The following RAP1A variants were observed in gnomAD, a reference collection of about 807,000 sequenced individuals.
RAP1A encodes the protein ras-related protein Rap-1A.
RAP1A carries 6 observed loss-of-function variants against 26.4 expected under a neutral mutation model. The observed-to-expected ratio is 0.23, with a 90% confidence interval of 0.12 to 0.45. RAP1A has a LOEUF of 0.45. Among genes scored for constraint, RAP1A ranks in the 20% least tolerant of loss-of-function variants. The probability of loss-of-function intolerance (pLI) is 0.99; values close to 1 mark genes in which losing one functional copy is unlikely to be tolerated. For synonymous variants in RAP1A, 73 were observed against 79.4 expected, an observed-to-expected ratio of 0.92 and a Z score of 0.43; for missense variants, 121 against 217.2, an observed-to-expected ratio of 0.56 and a Z score of 2.78.
At chr1:111,545,581 T>G (rs1182931392) in intron 1 of RAP1A, among the ~76,000 whole-genome samples, 1 of 152,160 alleles carries the variant, frequency 6.6e-6, no homozygotes, top group Non-Finnish European at 1.5e-5. Flanking sequence ...TTTGTACTTT[T>G]ACTTTCTTGC....
At chr1:111,613,719 G>A (rs143173615) in intron 1 of RAP1A, among the ~76,000 whole-genome samples, 13 of 152,260 alleles carry the variant, frequency 8.5e-5, no homozygotes, top group African/African-American at 2.9e-4. Context: ...CTAATCACTT[G>A]CTTGGATATC....
intron 1 of RAP1A, among the ~76,000 whole-genome samples, chr1:111,646,919 A>G (rs1249285429): frequency 6.6e-6 from 1 of 152,210 alleles, no homozygotes; most frequent in Non-Finnish European, 1.5e-5. Flanking sequence ...TTGTTACCCA[A>G]GATAACATTA....
At chr1:111,633,040 T>A (rs550231144) in intron 1 of RAP1A, among the ~76,000 whole-genome samples, 15 of 152,196 alleles carry the variant, frequency 9.9e-5, no homozygotes, top group Non-Finnish European at 1.5e-4. Context: ...TGGTGTCTTG[T>A]TGGTTTGAGT....
chr1:111,646,478 A>G (rs1294765637), intron 1 of RAP1A, among the ~76,000 whole-genome samples: 2 of 151,712 alleles, frequency 1.3e-5, no homozygotes, highest in Non-Finnish European at 1.5e-5. Flanking sequence ...AATTTGAGCA[A>G]TTGCAGACTA....
At chr1:111,709,499 G>C (rs1194417934) in intron 7 of RAP1A, among the ~76,000 whole-genome samples, 1 of 152,136 alleles carries the variant, frequency 6.6e-6, no homozygotes, top group Non-Finnish European at 1.5e-5. Context: ...TGTGTCCCCA[G>C]TGCTTGATAC....
chr1:111,619,386 C>G (rs1659090443), upstream of RAP1A, among the ~76,000 whole-genome samples: 1 of 152,218 alleles, frequency 6.6e-6, no homozygotes, highest in South Asian at 2.1e-4. Context: ...TCCCCTCTCT[C>G]ACTCCACCAG....
At chr1:111,553,750 A>G (rs112344475) in intron 1 of RAP1A, among the ~76,000 whole-genome samples, 122 of 151,590 alleles carry the variant, frequency 8.0e-4, no homozygotes, top group Non-Finnish European at 7.2e-4. Flanking sequence ...ATTCCACTCC[A>G]CCCCCTTTTG....
At chr1:111,567,249 A>G (rs1657939930) in intron 1 of RAP1A, among the ~76,000 whole-genome samples, 1 of 152,188 alleles carries the variant, frequency 6.6e-6, no homozygotes, top group African/African-American at 2.4e-5. Context: ...AGGAGAACTC[A>G]ACTCACCTGA....
At chr1:111,670,840 C>G (rs900113673) in intron 1 of RAP1A, among the ~76,000 whole-genome samples, 1 of 152,226 alleles carries the variant, frequency 6.6e-6, no homozygotes, top group Non-Finnish European at 1.5e-5. Flanking sequence ...ATTATTGTAT[C>G]TGTTGTCATA....
chr1:111,594,166 C>G (rs1223585863), intron 1 of RAP1A, among the ~76,000 whole-genome samples: 1 of 152,026 alleles, frequency 6.6e-6, no homozygotes, highest in Non-Finnish European at 1.5e-5. Context: ...CCAGATGCCA[C>G]GACTTGGAAA....
intron 6 of RAP1A, among the ~76,000 whole-genome samples, chr1:111,704,834 G>A (rs568248901): frequency 1.3e-5 from 2 of 152,272 alleles, no homozygotes; most frequent in South Asian, 4.1e-4. Context: ...ATATAAATAG[G>A]TTGTAAAGTC....
intron 1 of RAP1A, among the ~76,000 whole-genome samples, chr1:111,638,119 C>A (rs747550500): frequency 8.5e-4 from 129 of 151,734 alleles, no homozygotes; most frequent in Non-Finnish European, 1.3e-3. Context: ...GTTTCTGTCT[C>A]TTAAAAAAGA....
At chr1:111,656,869 A>T (rs1030680231) in intron 1 of RAP1A, among the ~76,000 whole-genome samples, 1 of 151,972 alleles carries the variant, frequency 6.6e-6, no homozygotes, top group Admixed American at 6.6e-5. Flanking sequence ...TACCATTGTA[A>T]TTATTTTTAA....
At chr1:111,673,232 T>C (rs1661028102) in intron 1 of RAP1A, among the ~76,000 whole-genome samples, 1 of 152,198 alleles carries the variant, frequency 6.6e-6, no homozygotes, top group Non-Finnish European at 1.5e-5. Flanking sequence ...TTGTGGTGAG[T>C]TGCCAGTTTT....
At chr1:111,657,937 C>A (rs1326423899) in intron 1 of RAP1A, among the ~76,000 whole-genome samples, 1 of 152,024 alleles carries the variant, frequency 6.6e-6, no homozygotes, top group African/African-American at 2.4e-5. Context: ...CTTGATCTTT[C>A]TGTTACTGGT....
At chr1:111,699,642 T>A (rs523650) in intron 4 of RAP1A, among the ~76,000 whole-genome samples, 61,398 of 149,782 alleles carry the variant, frequency 0.41, 12,746 homozygotes, top group African/African-American at 0.48. Context: ...TTTTTTTTTT[T>A]AATTTTTTGT....
chr1:111,546,542 T>G (rs1657039685), intron 1 of RAP1A, among the ~76,000 whole-genome samples: 1 of 152,184 alleles, frequency 6.6e-6, no homozygotes, highest in Non-Finnish European at 1.5e-5. Context: ...TGTGACTGCC[T>G]TATTTCACTT....
chr1:111,679,369 C>A (rs1661223108), intron 1 of RAP1A, among the ~76,000 whole-genome samples: 1 of 152,094 alleles, frequency 6.6e-6, no homozygotes, highest in African/African-American at 2.4e-5. Context: ...CAGATACTAC[C>A]CATTTCCCAC....
At chr1:111,657,523 A>G (rs1007794529) in intron 1 of RAP1A, among the ~76,000 whole-genome samples, 8 of 152,146 alleles carry the variant, frequency 5.3e-5, no homozygotes, top group African/African-American at 1.9e-4. Flanking sequence ...TATCTAAGCA[A>G]TCATTGCCAA....
Sources: allele counts gnomAD v4.1 joint callset (sites outside exome capture counted in the v4.1 genomes callset), GRCh38; gene constraint gnomAD v4.1.1; transcripts MANE v1.5; gene names NCBI Gene and HGNC (gene_info 2026-07-23, HGNC 2026-07-21).